The following B3GALT1 variants were observed in gnomAD, a reference collection of about 807,000 sequenced individuals.
B3GALT1 encodes the protein beta-1,3-galactosyltransferase 1, also known as UDP-Gal:betaGlcNAc beta 1,3-galactosyltransferase, polypeptide 1.
A neutral mutation model predicts 23.2 loss-of-function variants in B3GALT1; 10 were observed. That is an observed-to-expected ratio of 0.43 (90% CI 0.27 to 0.73). The LOEUF (loss-of-function observed/expected upper bound fraction) is 0.73, where lower values mean the gene tolerates loss of function less well. B3GALT1 is among the 30% of genes least tolerant of loss of function. The pLI, the probability that B3GALT1 is intolerant of heterozygous loss-of-function variation, is 0.21. For missense variants in B3GALT1, 299 were observed against 405.4 expected (o/e 0.74, Z 2.25); for synonymous variants, 156 against 141.5 (o/e 1.10, Z -0.73).
chr2:167,643,499 T>G (rs1276887609), intron 2 of B3GALT1, among the ~76,000 whole-genome samples: 3 of 152,150 alleles, frequency 2.0e-5, no homozygotes, highest in Non-Finnish European at 2.9e-5. Flanking sequence ...CAAAGTAGTC[T>G]ATGAAGAATT....
In B3GALT1 at chr2:167,400,166, C is replaced by CTGTGTGTGTGTGTGTGTGTGTG. The variant is rs149993955; in HGVS notation, c.-510-90005_-510-89984dup. The stretch of plus-strand genomic sequence containing the variant: ...GAGTTATGAAATTTTACATCTATGT[C>CTGTGTGTGTGTGTGTGTGTGTG]TGTGTGTGTGTGTGTGTGTGTGTGT... On this transcript the variant is annotated intron_variant, in intron 1 of 4. Transcript: ENST00000392690. Among the ~76,000 whole-genome samples the CTGTGTGTGTGTGTGTGTGTGTG allele has an allele frequency of 4.1e-5, 6 of 145,812 alleles. No homozygotes were observed. The South Asian group carries it at 6.7e-4, about 16-fold the overall frequency.
intron 2 of B3GALT1, among the ~76,000 whole-genome samples, chr2:167,542,798 CTT>C (rs572650522): frequency 4.3e-5 from 6 of 140,802 alleles, no homozygotes; most frequent in Admixed American, 7.2e-5. Flanking sequence ...TGTATTAAAG[CTT>C]TTTTTTTTTT....
intron 2 of B3GALT1, among the ~76,000 whole-genome samples, chr2:167,570,488 G>A (rs1049040094): frequency 3.3e-5 from 5 of 151,814 alleles, no homozygotes; most frequent in Non-Finnish European, 7.4e-5. Context: ...ATGTTTTTAT[G>A]ATTTCATATG....
intron 3 of B3GALT1, among the ~76,000 whole-genome samples, chr2:167,759,723 T>C (rs1342494444): frequency 1.3e-5 from 2 of 152,072 alleles, no homozygotes; most frequent in African/African-American, 4.8e-5. Flanking sequence ...CCCATCCTGA[T>C]GGGGAGCCAG....
intron 3 of B3GALT1, among the ~76,000 whole-genome samples, chr2:167,664,900 G>C: frequency 6.8e-6 from 1 of 147,252 alleles, no homozygotes; most frequent in East Asian, 2.0e-4. Context: ...CAATCATGTC[G>C]TCTGCAAACA....
intron 3 of B3GALT1, among the ~76,000 whole-genome samples, chr2:167,653,531 C>G (rs920692610): frequency 2.0e-5 from 3 of 152,160 alleles, no homozygotes; most frequent in Non-Finnish European, 4.4e-5. Context: ...GCAGCAATAT[C>G]TCTCTGGAAT....
intron 1 of B3GALT1, among the ~76,000 whole-genome samples, chr2:167,425,048 C>T (rs1698603290): frequency 6.6e-6 from 1 of 152,200 alleles, no homozygotes; most frequent in South Asian, 2.1e-4. Context: ...TTTTATCAGC[C>T]TCTCCTGCTA....
At position 167,305,058 on chromosome 2, in the gene B3GALT1, G is replaced by T. The variant is rs1451645925; in HGVS notation, c.-511+11724G>T. Among the ~76,000 whole-genome samples, 5 of 152,244 alleles carry T rather than the reference G, an allele frequency of 3.3e-5. No individual in the cohort carries two copies. The South Asian group carries it at 8.3e-4, about 25-fold the overall frequency. ...GATGATCTTTGTTACTCAGTCTACA[G>T]ATTCAGATGCTCATCTCATCCATCT... is the stretch of plus-strand genomic sequence containing the variant. On this transcript the variant is annotated intron_variant, in intron 1 of 4. Coordinates refer to ENST00000392690, the MANE Select transcript of B3GALT1 (RefSeq NM_020981.4).
rs1445349605 is a variant in B3GALT1, at chr2:167,851,814, T to C, written c.-229-16997T>C. On this transcript the variant is annotated intron_variant, in intron 4 of 4. Transcript: ENST00000392690. ...GAGTTCCTGGGGGAACCAGAAGCAT[T>C]GGCACTTCTCTACTAGTCTTCTGAG... Among the ~76,000 whole-genome samples the C allele has an allele frequency of 2.0e-5, 3 of 152,330 alleles. No individual in the cohort carries two copies. In the East Asian group the frequency reaches 5.8e-4, roughly 29 times the overall value.
At chr2:167,601,065 T>TAAAC (rs1450884972) in intron 2 of B3GALT1, among the ~76,000 whole-genome samples, 1 of 151,984 alleles carries the variant, frequency 6.6e-6, no homozygotes, top group Non-Finnish European at 1.5e-5. Flanking sequence ...GTTTGTTTGT[T>TAAAC]TGTTTGTTTG....
chr2:167,299,803 G>T (rs1335168516), intron 1 of B3GALT1, among the ~76,000 whole-genome samples: 2 of 148,908 alleles, frequency 1.3e-5, no homozygotes, highest in East Asian at 2.0e-4. Flanking sequence ...TTTCTCTCTT[G>T]GTCTCTCTCT....
intron 4 of B3GALT1, among the ~76,000 whole-genome samples, chr2:167,865,934 C>T (rs946821902): frequency 2.0e-5 from 3 of 152,210 alleles, no homozygotes; most frequent in African/African-American, 7.2e-5. Flanking sequence ...CTGAGAACCA[C>T]TCACCATCTG....
At chr2:167,514,069 G>C (rs2105356796) in intron 2 of B3GALT1, among the ~76,000 whole-genome samples, 1 of 152,100 alleles carries the variant, frequency 6.6e-6, no homozygotes, top group South Asian at 2.1e-4. Context: ...ACCACGCCCA[G>C]CTAATTTTTT....
rs35881941 is a variant in B3GALT1, at chr2:167,385,731, CT to C, written c.-511+92405del. 2.2e-4 allele frequency among the ~76,000 whole-genome samples: 34 copies of C among 152,070 alleles called. No individual in the cohort carries two copies. The East Asian group carries it at 6.2e-3, about 28-fold the overall frequency. On this transcript the variant is annotated intron_variant, in intron 1 of 4. Transcript: ENST00000392690. ...TCAGAGATGCTGCCGTATTAGACAC[CT>C]TTTTTTTCACCAAAATTGCTGACTT...
At chr2:167,705,564 T>C (rs1686954794) in intron 3 of B3GALT1, among the ~76,000 whole-genome samples, 1 of 152,108 alleles carries the variant, frequency 6.6e-6, no homozygotes, top group Non-Finnish European at 1.5e-5. Context: ...GAGGCTAACC[T>C]CATAAAATAA....
chr2:167,564,004 A>AC (rs71031298), intron 2 of B3GALT1, among the ~76,000 whole-genome samples: 24 of 128,446 alleles, frequency 1.9e-4, no homozygotes, highest in African/African-American at 6.5e-4. Context: ...CGGGGGGCCG[A>AC]CCCTCCCACC....
chr2:167,689,763 G>T (rs75049786), intron 3 of B3GALT1, among the ~76,000 whole-genome samples: 1 of 152,102 alleles, frequency 6.6e-6, no homozygotes, highest in African/African-American at 2.4e-5. Context: ...CAGAGAAGGG[G>T]ATGAGACATG....
chr2:167,629,337 T>C (rs914470107), intron 2 of B3GALT1, among the ~76,000 whole-genome samples: 4 of 151,794 alleles, frequency 2.6e-5, no homozygotes, highest in African/African-American at 4.8e-5. Context: ...TATTAAACTT[T>C]GGAATCATTT....
At chr2:167,562,493 A>G (rs965608806) in intron 2 of B3GALT1, among the ~76,000 whole-genome samples, 5 of 152,092 alleles carry the variant, frequency 3.3e-5, no homozygotes, top group South Asian at 2.1e-4. Context: ...AGGGTATTCA[A>G]TTAGGAAAAG....
Sources: allele counts gnomAD v4.1 joint callset (sites outside exome capture counted in the v4.1 genomes callset), GRCh38; gene constraint gnomAD v4.1.1; transcripts MANE v1.5; gene names NCBI Gene and HGNC (gene_info 2026-07-23, HGNC 2026-07-21).